GSTZ1: variants seen among roughly 807,000 people sequenced by gnomAD.
The protein encoded by GSTZ1 is glutathione S-transferase zeta 1.
GSTZ1 carries 34 observed loss-of-function variants against 35.9 expected under a neutral mutation model. The observed-to-expected ratio is 0.95, with a 90% CI of 0.72 to 1.26. GSTZ1 has a LOEUF of 1.26. Ranked by LOEUF, GSTZ1 falls within the 50% of genes most tolerant of loss-of-function variation. GSTZ1 has a pLI of 0.00. For synonymous variants in GSTZ1, 93 were observed against 101.2 expected (o/e 0.92, Z 0.49); for missense variants, 263 against 271.7 (o/e 0.97, Z 0.23).
At chr14:77,324,816 G>C in intron 1 of GSTZ1, 54 bp from the exon 2 acceptor site, 2 of 1,557,254 alleles carry the variant, frequency 1.3e-6, no homozygotes, top group Non-Finnish European at 1.8e-6. Context: ...CTCCTCCCAA[G>C]CTGGAGCCCA....
intron 6 of GSTZ1, 53 bp downstream of exon 6, chr14:77,329,254 C>G (rs1225558542): frequency 1.7e-6 from 2 of 1,168,192 alleles, no homozygotes; most frequent in Non-Finnish European, 2.6e-6. Flanking sequence ...GAGGTATGGC[C>G]CTCGCACACA....
rs145801366 is a variant in GSTZ1, at chr14:77,331,194, A to G, written c.650A>G (p.Ter217TrpextTer19). The G allele has an allele frequency of 1.5e-4, 245 of 1,612,742 alleles. 3 individuals are homozygous for G. In the Middle Eastern group the frequency reaches 1.8e-3, roughly 12 times the overall value. Residue 217 changes from the stop codon to tryptophan (W), a stop_lost, in exon 9 of 9, where the codon TAG becomes TGG. Transcript: ENST00000216465. The part of the protein sequence containing the change: ...QPDTPTELRA[*>W] ...GATACACCCACTGAGCTGAGGGCCT[A>G]GCTCCCAAATCCTGCCCCGTTGGCA...
chr14:77,330,383 C>T, intron 8 of GSTZ1, 24 bp downstream of exon 8: 1 of 1,589,910 alleles, frequency 6.3e-7, no homozygotes, highest in Non-Finnish European at 8.6e-7. Context: ...CCGCCACCCT[C>T]CCTTCTCGTG....
intron 3 of GSTZ1, 40 bp downstream of exon 3, chr14:77,326,945 G>C (rs761175026): frequency 5.0e-6 from 7 of 1,408,436 alleles, no homozygotes; most frequent in Non-Finnish European, 6.0e-6. Context: ...GGGAATTGGA[G>C]GCCTTGAACA....
chr14:77,324,910 G>C lies in GSTZ1; in HGVS notation c.56G>C (p.Arg19Thr). The C allele has an allele frequency of 6.2e-7, 1 of 1,613,818 alleles. No individual in the cohort carries two copies. Among genetic ancestry groups the C allele is most frequent in the Admixed American group, 1.7e-5 (1 of 60,038 alleles). Residue 19 changes from arginine (R) to threonine (T), a missense_variant, in exon 2 of 9, where the codon AGA becomes ACA. Arg to Thr is a moderately conservative substitution (Grantham distance 71). Coordinates refer to ENST00000216465, the MANE Select transcript of GSTZ1 (RefSeq NM_145870.3). ...TATTTCCGAAGCTCCTGCTCATGGA[G>C]AGTTCGAATTGGTAAGAGATGTGCC... ...YSYFRSSCSW[R>T]VRIALALKGI... is the part of the protein sequence containing the mutation.
chr14:77,327,187 C>T (rs1360577167), intron 3 of GSTZ1: 2 of 593,986 alleles, frequency 3.4e-6, no homozygotes, highest in Non-Finnish European at 6.0e-6. Context: ...CCATACTGGG[C>T]CCTCTGGATG....
At chr14:77,328,195 C>T (rs994639203) in intron 5 of GSTZ1, 158 bp downstream of exon 5, 199 of 730,774 alleles carry the variant, frequency 2.7e-4, no homozygotes, top group Non-Finnish European at 3.7e-4. Context: ...GGGTGAAGAT[C>T]GCAATCTCAG....
At chr14:77,327,634 A>G in intron 4 of GSTZ1, 82 bp downstream of exon 4, 3 of 954,476 alleles carry the variant, frequency 3.1e-6, no homozygotes, top group Non-Finnish European at 5.0e-6. Context: ...TCGCCTGTGT[A>G]CAGTCAAGGT....
At chr14:77,326,506 G>A in intron 2 of GSTZ1, 1 of 252,690 alleles carries the variant, frequency 4.0e-6, no homozygotes, top group South Asian at 7.7e-5. Flanking sequence ...ACACAACACA[G>A]CCTTGCTGAA....
intron 1 of GSTZ1, chr14:77,321,425 G>A: frequency 6.6e-7 from 1 of 1,526,384 alleles, no homozygotes; most frequent in African/African-American, 1.4e-5. Flanking sequence ...TGGAGTCGCT[G>A]TCCGGTCGCG....
intron 1 of GSTZ1, chr14:77,322,805 C>G (rs1892096701): frequency 1.4e-5 from 9 of 646,256 alleles, no homozygotes; most frequent in Non-Finnish European, 1.7e-5. Flanking sequence ...CACTTACACC[C>G]TTGCCATCTA....
At chr14:77,321,288 T>C in intron 1 of GSTZ1, 105 bp downstream of exon 1, 1 of 1,522,076 alleles carries the variant, frequency 6.6e-7, no homozygotes, top group Non-Finnish European at 8.9e-7. Context: ...CGACAACGAC[T>C]CCCGGCATGC....
intron 1 of GSTZ1, chr14:77,324,456 T>C: frequency 4.1e-6 from 3 of 725,804 alleles, no homozygotes; most frequent in South Asian, 3.0e-5. Context: ...AGAAATGCCC[T>C]TTCTGACCAG....
Position 77,331,432 on chromosome 14 carries a change from G to GT in GSTZ1, c.*237_*238insT. The GT allele has an allele frequency of 2.1e-6, 1 of 470,448 alleles. No individual in the cohort carries two copies. Among genetic ancestry groups the GT allele is most frequent in the Non-Finnish European group, 3.8e-6 (1 of 262,334 alleles). The allele number at this position is 470,448 out of a possible 1,614,324, so 29.1% of individuals were successfully genotyped here. Reference sequence around the variant, plus strand: ...GGAATACTGTTATCTATGTGACGGGGCAGTCGTGAGGCTGAGATGAGAATG... The same window carrying GT: ...GGAATACTGTTATCTATGTGACGGGGTCAGTCGTGAGGCTGAGATGAGAATG... On this transcript the variant is annotated 3_prime_UTR_variant, in exon 9 of 9. Coordinates refer to ENST00000216465, the MANE Select transcript of GSTZ1 (RefSeq NM_145870.3).
In GSTZ1 at chr14:77,321,039, G is replaced by C. The variant is rs1421636972; in HGVS notation, c.-130G>C. ...AGAGGCGACCGGAAGGATCTTTCTA[G>C]TCCAGCCCCTCGCTTTACCCGGACG... On this transcript the variant is annotated 5_prime_UTR_variant, in exon 1 of 9. Coordinates refer to ENST00000216465, the MANE Select transcript of GSTZ1 (RefSeq NM_145870.3). 1 of 1,052,494 alleles carries C rather than the reference G, an allele frequency of 9.5e-7. No homozygotes were observed. Among genetic ancestry groups the C allele is most frequent in the Non-Finnish European group, 1.3e-6 (1 of 749,690 alleles). The allele number at this position is 1,052,494 out of a possible 1,614,324, so 65.2% of individuals were successfully genotyped here. A position where few individuals can be genotyped will look rare whatever the true frequency, so the allele number is the denominator to read the frequency against.
chr14:77,324,637 C>G (rs1190849689), intron 1 of GSTZ1: 3 of 1,518,836 alleles, frequency 2.0e-6, no homozygotes, highest in Non-Finnish European at 1.8e-6. Flanking sequence ...GGAAGGCACT[C>G]TCAGGCTAGC....
intron 3 of GSTZ1, 110 bp from the exon 4 acceptor site, chr14:77,327,362 G>A: frequency 1.4e-6 from 1 of 715,994 alleles, no homozygotes; most frequent in East Asian, 2.7e-5. Context: ...GGCCTTCCCA[G>A]GGAAGGGAGA....
chr14:77,327,982 G>A lies in GSTZ1; in HGVS notation c.287G>A (p.Arg96Lys), dbSNP rs781395689. The change falls in exon 5 of 9, where the codon AGG becomes AAG. Residue 96 changes from arginine to lysine, a missense_variant. By Grantham distance (26) the Arg-to-Lys change is conservative (BLOSUM62 2). Coordinates refer to ENST00000216465, the MANE Select transcript of GSTZ1 (RefSeq NM_145870.3). ...CTTCTGCCTCAGGACCCAAAGAAGAGGGCCAGCGTGCGTATGATTTCTGAC... is the reference window on the plus strand; with the variant it reads ...CTTCTGCCTCAGGACCCAAAGAAGAAGGCCAGCGTGCGTATGATTTCTGAC... ...PRLLPQDPKK[R>K]ASVRMISDLI... 2 of 1,614,034 alleles carry A rather than the reference G, an allele frequency of 1.2e-6. No individual in the cohort carries two copies. The highest frequency in any genetic ancestry group is 1.1e-5 in the South Asian group (1 of 91,062).
In GSTZ1 at chr14:77,330,426, C is replaced by A. The variant is rs887767464; in HGVS notation, c.524+67C>A. 3.9e-6 allele frequency: 5 copies of A among 1,274,042 alleles called. No homozygotes were observed. The African/African-American group carries it at 4.4e-5, about 11-fold the overall frequency. 78.9% of individuals were successfully genotyped at this position (1,274,042 alleles called of 1,614,324 possible). On this transcript the variant is annotated intron_variant, in intron 8 of 8. Coordinates refer to ENST00000216465, the MANE Select transcript of GSTZ1 (RefSeq NM_145870.3). Reference sequence around the variant, plus strand: ...CCACAGTCAGGCCCCACTCAGCTGGCGAGATAGCATCTCATGCAGACGCTT... The same window carrying A: ...CCACAGTCAGGCCCCACTCAGCTGGAGAGATAGCATCTCATGCAGACGCTT...
Sources: gnomAD v4.1 joint callset for allele counts on GRCh38, gnomAD v4.1.1 for gene constraint, MANE v1.5 for transcripts, NCBI Gene and HGNC (gene_info 2026-07-23, HGNC 2026-07-21) for gene names.